The following SH2B3 variants were observed in gnomAD, a reference collection of about 807,000 sequenced individuals.
SH2B3 encodes the protein SH2B adapter protein 3.
Under a neutral mutation model 51.9 loss-of-function variants are expected in SH2B3, and 43 were observed. The ratio of observed to expected loss-of-function variants is 0.83; its 90% CI spans 0.65 to 1.07. The LOEUF (loss-of-function observed/expected upper bound fraction) is 1.07. SH2B3 is among the 50% of genes least tolerant of loss of function. The pLI is 0.00. For missense variants in SH2B3, 952 were observed against 834.3 expected (o/e 1.14, Z -1.74); for synonymous variants, 396 against 376.0 (o/e 1.05, Z -0.62).
chr12:111,414,174 G>A (rs1870909429), intron 1 of SH2B3, among the ~76,000 whole-genome samples: 1 of 152,238 alleles, frequency 6.6e-6, no homozygotes, highest in Non-Finnish European at 1.5e-5. Context: ...GGAAGAACAT[G>A]GTGGCCAAGG....
rs1873134292 is a variant in SH2B3 at position 111,438,865 on chromosome 12, A to C, written c.733-7888A>C. On this transcript the variant is annotated intron_variant, in intron 2 of 7. Transcript: ENST00000341259. This position sits in a 1 kb window ranked among gnomAD's most constrained non-coding sequence, Gnocchi z 4.2. ...CCGAGTGCACCTGGCACACTGAAGA[A>C]GAGTGGAGGCCAGTGTGGCTGGATC... is the stretch of plus-strand genomic sequence containing the variant. Among the ~76,000 whole-genome samples, 3 of 152,212 alleles carry C rather than the reference A, an allele frequency of 2.0e-5. No homozygotes were observed. The highest frequency in any genetic ancestry group is 2.0e-4 in the Admixed American group (3 of 15,286).
chr12:111,447,797 A>G lies in SH2B3; in HGVS notation c.1378A>G (p.Ser460Gly), dbSNP rs1334417318. 3 of 1,613,988 alleles carry G rather than the reference A, an allele frequency of 1.9e-6. No homozygotes were observed. The highest frequency in any genetic ancestry group is 2.5e-6 in the Non-Finnish European group (3 of 1,179,998). ...CGAACDVRLS[S>G]YVVVVSQPPG... ...CGCCGCCTGTGATGTCCGGCTCTCCAGCTACGTGGTAGTCGTCTCCCAACC... is the reference window on the plus strand; with the variant it reads ...CGCCGCCTGTGATGTCCGGCTCTCCGGCTACGTGGTAGTCGTCTCCCAACC... The change falls in exon 7 of 8, where the codon AGC (serine) becomes GGC (glycine). Residue 460 changes from serine (S) to glycine (G), a missense_variant. Coordinates refer to ENST00000341259, the MANE Select transcript of SH2B3 (RefSeq NM_005475.3).
Position 111,446,650 on chromosome 12 carries a change from T to C in SH2B3, c.733-103T>C, listed in dbSNP as rs1873986071. The C allele has an allele frequency of 4.3e-5, 28 of 652,316 alleles. 2 individuals carry two copies. The South Asian group carries it at 5.0e-4, about 12-fold the overall frequency. The allele number at this position is 652,316 out of a possible 1,614,324, so 40.4% of individuals were successfully genotyped here. On this transcript the variant is annotated intron_variant, in intron 2 of 7. Coordinates refer to ENST00000341259, the MANE Select transcript of SH2B3 (RefSeq NM_005475.3). ...CTGCCCAGCAACACCATGGATACTC[T>C]CTCTAAAAGGGGGACTCCTGGGGAG... is the stretch of plus-strand genomic sequence containing the variant.
Position 111,420,367 on chromosome 12 carries a change from CAAAAAAAAAA to C in SH2B3, c.732+1505_732+1514del, listed in dbSNP as rs59301682. On this transcript the variant is annotated intron_variant, in intron 2 of 7. Transcript: ENST00000341259. ...TGGGTGACAGAGCGAGACCCTGTCT[CAAAAAAAAAA>C]AAAAAAAAAAAAAAGTTCTTTTCCT... Among the ~76,000 whole-genome samples the C allele has an allele frequency of 1.9e-4, 12 of 64,468 alleles. No homozygotes were observed. In the East Asian group the frequency reaches 4.9e-3, roughly 26 times the overall value. 42.3% of individuals were successfully genotyped at this position (64,468 alleles called of 152,430 possible). A position where few individuals can be genotyped will look rare whatever the true frequency, so the allele number is the denominator to read the frequency against.
chr12:111,447,551 G>A lies in SH2B3; in HGVS notation c.1236+7G>A, dbSNP rs1325965465. 1 of 880,452 alleles carries A rather than the reference G, an allele frequency of 1.1e-6. No homozygotes were observed. The highest frequency in any genetic ancestry group is 1.4e-6 in the Non-Finnish European group (1 of 711,416). 54.5% of individuals were successfully genotyped at this position (880,452 alleles called of 1,614,324 possible). ...CTTTCAGGGGATAGCCAAGGTATGG[G>A]GTGGGGTGGGGTGGGGTGGGGCAGG... On this transcript the variant is annotated splice_region_variant and intron_variant, in intron 6 of 7. Transcript: ENST00000341259.
chr12:111,442,992 G>A (rs760172965), intron 2 of SH2B3, among the ~76,000 whole-genome samples: 3 of 152,246 alleles, frequency 2.0e-5, no homozygotes, highest in Non-Finnish European at 2.9e-5. Flanking sequence ...CCAGTACCTC[G>A]GAAGACTCTA....
intron 2 of SH2B3, among the ~76,000 whole-genome samples, chr12:111,428,600 C>T (rs1205567630): frequency 1.3e-5 from 2 of 152,178 alleles, no homozygotes; most frequent in Non-Finnish European, 2.9e-5. Flanking sequence ...TGGAACAAGG[C>T]CACTCTGACC....
chr12:111,417,688 C>G (rs1565968348), intron 1 of SH2B3, among the ~76,000 whole-genome samples: 1 of 151,930 alleles, frequency 6.6e-6, no homozygotes, highest in Non-Finnish European at 1.5e-5. Context: ...AACTCCTGGG[C>G]TCAAGTGATC....
chr12:111,439,363 G>A (rs1209055019), intron 2 of SH2B3, among the ~76,000 whole-genome samples: 3 of 152,178 alleles, frequency 2.0e-5, no homozygotes, highest in Non-Finnish European at 4.4e-5. Flanking sequence ...TGGTCAGGCT[G>A]GTCTCTAACT....
At chr12:111,441,667 G>T (rs1187776085) in intron 2 of SH2B3, among the ~76,000 whole-genome samples, 2 of 152,168 alleles carry the variant, frequency 1.3e-5, no homozygotes, top group African/African-American at 4.8e-5. Context: ...TGGTAATAAG[G>T]TCTATGAAAT....
chr12:111,425,889 A>T (rs1212455291), intron 2 of SH2B3, among the ~76,000 whole-genome samples: 1 of 152,214 alleles, frequency 6.6e-6, no homozygotes, highest in Non-Finnish European at 1.5e-5. Flanking sequence ...TTCATCACCC[A>T]TCATCGGGCT....
At chr12:111,414,866 A>C (rs1480729302) in intron 1 of SH2B3, among the ~76,000 whole-genome samples, 7 of 152,176 alleles carry the variant, frequency 4.6e-5, no homozygotes, top group Admixed American at 4.6e-4. Context: ...TGGGTTCCTT[A>C]CAAGGTGGAT....
Position 111,407,768 on chromosome 12 carries a change from G to A in SH2B3, c.-28+1491G>A, listed in dbSNP as rs1381770147. ...AGAGCGGCCAGCTGGGAAGGGGCTG[G>A]CTCAGAGCATCAGCAGCTGGGGGCT... On this transcript the variant is annotated intron_variant, in intron 1 of 7. Coordinates refer to ENST00000341259, the MANE Select transcript of SH2B3 (RefSeq NM_005475.3). This position sits in a 1 kb window ranked among gnomAD's most constrained non-coding sequence, Gnocchi z 4.3. Among the ~76,000 whole-genome samples the A allele has an allele frequency of 6.6e-6, 1 of 152,210 alleles. No individual in the cohort carries two copies. Among genetic ancestry groups the A allele is most frequent in the Non-Finnish European group, 1.5e-5 (1 of 68,040 alleles).
chr12:111,418,098 C>G lies in SH2B3; in HGVS notation c.-27-21C>G. ...CCCACCTGCTTACTCCTTGTCGCCCCCCCACCCACGTGTCTTTCAGCCCGG... is the reference window on the plus strand; with the variant it reads ...CCCACCTGCTTACTCCTTGTCGCCCGCCCACCCACGTGTCTTTCAGCCCGG... On this transcript the variant is annotated intron_variant, in intron 1 of 7. Coordinates refer to ENST00000341259, the MANE Select transcript of SH2B3 (RefSeq NM_005475.3). This position sits in a 1 kb window ranked among gnomAD's most constrained non-coding sequence, Gnocchi z 6.7. The G allele has an allele frequency of 6.8e-7, 1 of 1,470,696 alleles. No individual in the cohort carries two copies. Among genetic ancestry groups the G allele is most frequent in the East Asian group, 2.6e-5 (1 of 39,108 alleles). 91.1% of individuals were successfully genotyped at this position (1,470,696 alleles called of 1,614,324 possible).
rs1246649893 is a variant in SH2B3, at chr12:111,418,446, G to A, written c.301G>A (p.Glu101Lys). The A allele has an allele frequency of 2.1e-5, 30 of 1,418,788 alleles. No individual in the cohort carries two copies. The East Asian group carries it at 9.7e-4, about 46-fold the overall frequency. 87.9% of individuals were successfully genotyped at this position (1,418,788 alleles called of 1,614,324 possible). Residue 101 changes from glutamate (E) to lysine (K), a missense_variant, in exon 2 of 8, where the codon GAG (glutamate) becomes AAG (lysine). Coordinates refer to ENST00000341259, the MANE Select transcript of SH2B3 (RefSeq NM_005475.3). The surrounding 1 kb of genome is among the most constrained non-coding windows in gnomAD (Gnocchi z 6.7). ...AGGCCGTGGGCCCCCAGCCAAGGCCGAGGCGTCCCCGGAGCCAGGCCCCGG... is the reference window on the plus strand; with the variant it reads ...AGGCCGTGGGCCCCCAGCCAAGGCCAAGGCGTCCCCGGAGCCAGGCCCCGG... ...DTGRGPPAKA[E>K]ASPEPGPGPA...
intron 2 of SH2B3, chr12:111,444,663 T>G: frequency 1.1e-6 from 1 of 880,002 alleles, no homozygotes; most frequent in Non-Finnish European, 1.4e-6. Flanking sequence ...AGCCCCCAGG[T>G]TTGAGCTTGT....
At chr12:111,412,675 T>C (rs1330438002) in intron 1 of SH2B3, among the ~76,000 whole-genome samples, 1 of 152,114 alleles carries the variant, frequency 6.6e-6, no homozygotes, top group African/African-American at 2.4e-5. Flanking sequence ...GCTCAAGCAG[T>C]CTTCCCGCCT....
intron 2 of SH2B3, among the ~76,000 whole-genome samples, chr12:111,443,254 G>A (rs1469609973): frequency 6.6e-6 from 1 of 152,240 alleles, no homozygotes; most frequent in Non-Finnish European, 1.5e-5. Context: ...CGAGGCTGGT[G>A]TTTCATCTTC....
intron 2 of SH2B3, among the ~76,000 whole-genome samples, chr12:111,440,548 A>T (rs1203927120): frequency 2.6e-5 from 4 of 152,222 alleles, no homozygotes; most frequent in African/African-American, 9.6e-5. Flanking sequence ...TGCTCACTAA[A>T]GGGTGGTGTG....
Sources: gnomAD v4.1 joint callset for allele counts (sites outside exome capture counted in the v4.1 genomes callset) on GRCh38, gnomAD v4.1.1 for gene constraint, Gnocchi (gnomAD v3.1) non-coding constraint, MANE v1.5 for transcripts, NCBI Gene and HGNC (gene_info 2026-07-23, HGNC 2026-07-21) for gene names.